ROS1: variants seen among roughly 807,000 people sequenced by gnomAD.
The protein encoded by ROS1 is ROS proto-oncogene 1, receptor tyrosine kinase.
A neutral mutation model predicts 273.5 loss-of-function variants in ROS1; 263 were observed. The ratio of observed to expected loss-of-function variants is 0.96; its 90% CI spans 0.87 to 1.06. The LOEUF (loss-of-function observed/expected upper bound fraction) is 1.06, where lower values mean the gene tolerates loss of function less well. ROS1 is among the 50% of genes least tolerant of loss of function. The probability of loss-of-function intolerance (pLI) is 0.00; values close to 1 mark genes in which losing one functional copy is unlikely to be tolerated. For missense variants in ROS1, 2,833 were observed against 2,751.1 expected (o/e 1.03, Z -0.67); for synonymous variants, 1,008 against 954.1 (o/e 1.06, Z -1.04).
intron 43 of ROS1, among the ~76,000 whole-genome samples, chr6:117,297,390 C>T (rs1459020524): frequency 6.6e-6 from 1 of 152,102 alleles, no homozygotes; most frequent in Non-Finnish European, 1.5e-5. Context: ...AGCTAAAAAG[C>T]TTGTGCAGAA....
intron 4 of ROS1, among the ~76,000 whole-genome samples, chr6:117,412,804 G>C (rs1268183226): frequency 1.3e-5 from 2 of 152,148 alleles, no homozygotes; most frequent in South Asian, 4.1e-4. Context: ...GATTAACAAA[G>C]AATTAGCACA....
chr6:117,371,978 C>T (rs1780827484), intron 18 of ROS1, among the ~76,000 whole-genome samples: 1 of 152,342 alleles, frequency 6.6e-6, no homozygotes, highest in East Asian at 1.9e-4. Flanking sequence ...GGGTCTTTCT[C>T]TACCAATCCT....
intron 42 of ROS1, among the ~76,000 whole-genome samples, chr6:117,301,983 G>A (rs1774768891): frequency 6.6e-6 from 1 of 152,170 alleles, no homozygotes; most frequent in Non-Finnish European, 1.5e-5. Flanking sequence ...TTGGACACTT[G>A]TTTTATACCA....
chr6:117,334,251 A>G (rs913465303), intron 32 of ROS1, among the ~76,000 whole-genome samples: 3 of 152,140 alleles, frequency 2.0e-5, no homozygotes, highest in Non-Finnish European at 4.4e-5. Context: ...CACAATAGCT[A>G]CAAAGAGAAT....
rs371737902 is a variant in ROS1, at chr6:117,362,580, A to G, written c.3366+23T>C. The G allele has an allele frequency of 1.3e-5, 21 of 1,604,474 alleles. No individual in the cohort carries two copies. The highest frequency in any genetic ancestry group is 1.6e-5 in the Non-Finnish European group (19 of 1,175,330). On this transcript the variant is annotated intron_variant, in intron 22 of 43. Transcript: ENST00000368507. ...ACAATGCCGCTATTAAGACTCTCAT[A>G]TCTTCTGTTTTCTCTCTCATACCTG...
intron 39 of ROS1, among the ~76,000 whole-genome samples, chr6:117,312,819 T>C (rs151155161): frequency 3.9e-4 from 59 of 152,274 alleles, no homozygotes; most frequent in Middle Eastern, 3.4e-3. Context: ...TCAGATAGAT[T>C]AAACTTTGAT....
In ROS1 at chr6:117,288,460, T is replaced by G; in HGVS notation, c.*32A>C. The G allele has an allele frequency of 6.6e-7, 1 of 1,524,428 alleles. No individual in the cohort carries two copies. Among genetic ancestry groups the G allele is most frequent in the Non-Finnish European group, 9.0e-7 (1 of 1,117,284 alleles). The allele number at this position is 1,524,428 out of a possible 1,614,324, so 94.4% of individuals were successfully genotyped here. ...TCAGTAACTACTGAATGAGAGTGTT[T>G]ATCTCAACTCTCTATTTCCCAAACA... On this transcript the variant is annotated 3_prime_UTR_variant, in exon 44 of 44. Coordinates refer to ENST00000368507, the MANE Select transcript of ROS1 (RefSeq NM_001378902.1).
chr6:117,319,689 T>C (rs1326476186), intron 37 of ROS1, among the ~76,000 whole-genome samples, 179 bp downstream of exon 37: 2 of 152,196 alleles, frequency 1.3e-5, no homozygotes. Flanking sequence ...TTACAAACAA[T>C]GTTCCTATGT....
chr6:117,419,814 G>T (rs1395709299), intron 1 of ROS1, among the ~76,000 whole-genome samples: 1 of 152,140 alleles, frequency 6.6e-6, no homozygotes, highest in Non-Finnish European at 1.5e-5. Flanking sequence ...TGTAACGGTA[G>T]TGAGTCCTGA....
Position 117,317,168 on chromosome 6 carries a change from T to C in ROS1, c.6092A>G (p.Tyr2031Cys). 6.2e-7 allele frequency: 1 copy of C among 1,613,024 alleles called. No homozygotes were observed. The highest frequency in any genetic ancestry group is 8.5e-7 in the Non-Finnish European group (1 of 1,179,484). Residue 2031 changes from tyrosine to cysteine, a missense_variant, in exon 39 of 44, where the codon TAT becomes TGT. By Grantham distance (194) the Tyr-to-Cys change is radical (BLOSUM62 -2). Transcript: ENST00000368507. ...CGTTGCCATCCGGGCTTTACGCAAA[T>C]AAGTAAGAAGGTCTCCTCCCTCCAT... is the stretch of plus-strand genomic sequence containing the variant. The part of the protein sequence containing the change: ...ELMEGGDLLT[Y>C]LRKARMATFY...
intron 4 of ROS1, among the ~76,000 whole-genome samples, chr6:117,410,853 C>A (rs960945015): frequency 6.6e-6 from 1 of 152,132 alleles, no homozygotes; most frequent in East Asian, 1.9e-4. Flanking sequence ...AATTTAAATA[C>A]CTCAGTTTGG....
intron 17 of ROS1, among the ~76,000 whole-genome samples, chr6:117,379,844 A>C (rs1019135717): frequency 9.2e-5 from 14 of 152,136 alleles, no homozygotes; most frequent in Admixed American, 5.9e-4. Flanking sequence ...ATCATACACA[A>C]AGGATGTTTA....
At chr6:117,362,119 CAAAAAG>C (rs1467216512) in intron 22 of ROS1, among the ~76,000 whole-genome samples, 1 of 151,830 alleles carries the variant, frequency 6.6e-6, no homozygotes, top group Admixed American at 6.6e-5. Flanking sequence ...AAAAGAAAAG[CAAAAAG>C]AAAAAGAATG....
At chr6:117,346,273 A>T (rs1778367114) in intron 27 of ROS1, among the ~76,000 whole-genome samples, 1 of 151,960 alleles carries the variant, frequency 6.6e-6, no homozygotes, top group South Asian at 2.1e-4. Flanking sequence ...TTTATCCCAT[A>T]CATTTTGAAG....
intron 16 of ROS1, 55 bp from the exon 17 acceptor site, chr6:117,383,563 C>A: frequency 7.7e-7 from 1 of 1,297,138 alleles, no homozygotes; most frequent in Non-Finnish European, 1.1e-6. Context: ...ATTATTATTT[C>A]TGAATATTTA....
chr6:117,394,298 G>A lies in ROS1; in HGVS notation c.1055C>T (p.Thr352Ile), dbSNP rs1773314733. The change falls in exon 11 of 44, where the codon ACT (threonine) becomes ATT (isoleucine). Residue 352 changes from threonine to isoleucine, a missense_variant. Coordinates refer to ENST00000368507, the MANE Select transcript of ROS1 (RefSeq NM_001378902.1). ...HQQIVYFSEG[T>I]LIWAKKAANM... ...GGCAGCCTTCTTCGCCCATATGAGA[G>A]TTCCTTCAGAGAAATAAACAATTTG... 1 of 1,608,064 alleles carries A rather than the reference G, an allele frequency of 6.2e-7. No homozygotes were observed. The highest frequency in any genetic ancestry group is 1.3e-5 in the African/African-American group (1 of 74,782).
At chr6:117,354,239 G>A (rs1266649173) in intron 26 of ROS1, among the ~76,000 whole-genome samples, 14 of 152,002 alleles carry the variant, frequency 9.2e-5, no homozygotes, top group Admixed American at 9.2e-4. Flanking sequence ...TGTAGTCCCA[G>A]CTACTTGGGA....
At chr6:117,358,051 AT>A (rs2128646015) in intron 24 of ROS1, 42 bp from the exon 25 acceptor site, 1 of 1,374,168 alleles carries the variant, frequency 7.3e-7, no homozygotes, top group Non-Finnish European at 1.0e-6. Flanking sequence ...GAGAGTGGTT[AT>A]TTTTTTATTT....
chr6:117,323,277 A>C (rs1776407515), intron 35 of ROS1, among the ~76,000 whole-genome samples: 2 of 152,182 alleles, frequency 1.3e-5, no homozygotes, highest in South Asian at 4.1e-4. Flanking sequence ...AAGTGCTCTC[A>C]TAAAGATTGT....
Sources: allele counts gnomAD v4.1 joint callset (sites outside exome capture counted in the v4.1 genomes callset), GRCh38; gene constraint gnomAD v4.1.1; transcripts MANE v1.5; gene names NCBI Gene and HGNC (gene_info 2026-07-23, HGNC 2026-07-21).